Variants in TRIM24 observed in about 807,000 individuals in gnomAD.
TRIM24 encodes tripartite motif containing 24.
Under a neutral mutation model 123.9 loss-of-function variants are expected in TRIM24, and 29 were observed. The observed-to-expected ratio is 0.23, with a 90% CI of 0.17 to 0.32. TRIM24 has a LOEUF of 0.32. TRIM24 is among the 10% of genes least tolerant of loss of function. The pLI is 1.00. For missense variants in TRIM24, 932 were observed against 1,295.3 expected (o/e 0.72, Z 4.31); for synonymous variants, 456 against 461.1 (o/e 0.99, Z 0.14).
intron 7 of TRIM24, among the ~76,000 whole-genome samples, chr7:138,540,983 A>T (rs1222859426): frequency 1.3e-5 from 2 of 152,034 alleles, no homozygotes; most frequent in Non-Finnish European, 2.9e-5. Flanking sequence ...GACTGTAGGC[A>T]TGCGCCACCA....
intron 1 of TRIM24, among the ~76,000 whole-genome samples, chr7:138,476,466 G>T (rs373013204): frequency 6.6e-6 from 1 of 151,874 alleles, no homozygotes; most frequent in South Asian, 2.1e-4. Context: ...GGTGGCGTGC[G>T]CCTGTAATCC....
chr7:138,554,893 G>T lies in TRIM24; in HGVS notation c.1457G>T (p.Arg486Leu), dbSNP rs201288398. The T allele has an allele frequency of 1.1e-5, 17 of 1,613,978 alleles. No individual in the cohort carries two copies. The highest frequency in any genetic ancestry group is 1.3e-5 in the Non-Finnish European group (15 of 1,179,978). The change falls in exon 9 of 19, where the codon CGG (arginine) becomes CTG (leucine). Residue 486 changes from arginine to leucine, a missense_variant. This residue lies in a region of TRIM24 where 527 missense variants were observed against 691.3 expected (regional missense o/e 0.76). Coordinates refer to ENST00000343526, the MANE Select transcript of TRIM24 (RefSeq NM_015905.3). This position sits in a 1 kb window ranked among gnomAD's most constrained non-coding sequence, Gnocchi z 4.5. ...QVMAQRQQVQRRPAPVGLPNP... is the reference protein window; with the variant it reads ...QVMAQRQQVQLRPAPVGLPNP... ...ATGGCTCAGAGGCAACAGGTGCAAC[G>T]GAGGCCAGCACCTGTGGGTTTACCA...
chr7:138,518,081 A>T (rs1257395404), intron 3 of TRIM24, among the ~76,000 whole-genome samples: 2 of 152,220 alleles, frequency 1.3e-5, no homozygotes, highest in East Asian at 3.8e-4. Flanking sequence ...TCATATGTTT[A>T]TTTCAGCATT....
chr7:138,462,578 G>A (rs1795023634), intron 1 of TRIM24, among the ~76,000 whole-genome samples: 1 of 151,826 alleles, frequency 6.6e-6, no homozygotes, highest in Non-Finnish European at 1.5e-5. Context: ...CTGACCTCGT[G>A]ATCCGCCCGC....
rs868136666 is a variant in TRIM24 at position 138,585,543 on chromosome 7, A to G, written c.*592A>G. On this transcript the variant is annotated 3_prime_UTR_variant, in exon 19 of 19. Coordinates refer to ENST00000343526, the MANE Select transcript of TRIM24 (RefSeq NM_015905.3). ...CTATTAAGAAGGCACTTAATAGTAC[A>G]TCATGTAAGATGGCAACTGTATTAA... The G allele has an allele frequency of 4.6e-4, 162 of 355,852 alleles. No individual in the cohort carries two copies. Among genetic ancestry groups the G allele is most frequent in the Middle Eastern group, 8.9e-4 (1 of 1,128 alleles). The allele number at this position is 355,852 out of a possible 1,614,324, so 22.0% of individuals were successfully genotyped here. A position where few individuals can be genotyped will look rare whatever the true frequency, so the allele number is the denominator to read the frequency against.
At chr7:138,524,765 T>G (rs1796574469) in intron 4 of TRIM24, among the ~76,000 whole-genome samples, 1 of 152,142 alleles carries the variant, frequency 6.6e-6, no homozygotes, top group Non-Finnish European at 1.5e-5. Context: ...CTTAAAAGTT[T>G]TATTACAAGG....
Position 138,583,839 on chromosome 7 carries a change from T to G in TRIM24, c.2794-11T>G, listed in dbSNP as rs191242764. The stretch of plus-strand genomic sequence containing the variant: ...AGCTATTTGTATTATAACATCTCAT[T>G]TTTTTAATAGGTGCCTGATTATTAC... On this transcript the variant is annotated splice_polypyrimidine_tract_variant and intron_variant, in intron 17 of 18. Coordinates refer to ENST00000343526, the MANE Select transcript of TRIM24 (RefSeq NM_015905.3). 1.9e-5 allele frequency: 29 copies of G among 1,533,758 alleles called. No homozygotes were observed. The East Asian group carries it at 4.6e-4, about 24-fold the overall frequency.
At chr7:138,487,200 C>T (rs1042866188) in intron 1 of TRIM24, among the ~76,000 whole-genome samples, 2 of 152,206 alleles carry the variant, frequency 1.3e-5, no homozygotes, top group African/African-American at 4.8e-5. Context: ...TATCCTGAGA[C>T]TTTGCTGAAG....
Position 138,510,411 on chromosome 7 carries a change from G to T in TRIM24, c.484-4801G>T, listed in dbSNP as rs188729959. ...ATCATGTGTGTGTGTGGTTTTTTTT[G>T]TTTGTTTGTTTGTTTGTTTGTTTTT... On this transcript the variant is annotated intron_variant, in intron 2 of 18. Transcript: ENST00000343526. Among the ~76,000 whole-genome samples, 396 of 151,826 alleles carry T rather than the reference G, an allele frequency of 2.6e-3. 1 individual carries two copies. The highest frequency in any genetic ancestry group is 7.6e-3 in the African/African-American group (315 of 41,382).
intron 7 of TRIM24, among the ~76,000 whole-genome samples, chr7:138,549,705 A>T (rs1215126009): frequency 6.6e-6 from 1 of 152,178 alleles, no homozygotes; most frequent in Non-Finnish European, 1.5e-5. Flanking sequence ...GTAGTTGATG[A>T]TGGGAGAAAA....
At chr7:138,481,651 A>C (rs745622881) in intron 1 of TRIM24, among the ~76,000 whole-genome samples, 4 of 151,858 alleles carry the variant, frequency 2.6e-5, no homozygotes, top group Non-Finnish European at 2.9e-5. Flanking sequence ...CAAACAAACA[A>C]ACAAACAAAA....
chr7:138,570,955 T>G lies in TRIM24; in HGVS notation c.1830T>G (p.Asp610Glu). The change falls in exon 11 of 19, where the codon GAT becomes GAG. Residue 610 changes from aspartate (D) to glutamate (E), a missense_variant. Asp to Glu is a conservative substitution (Grantham distance 45). Coordinates refer to ENST00000343526, the MANE Select transcript of TRIM24 (RefSeq NM_015905.3). Reference protein sequence around the residue: ...DGKAFGSPMIDLSSPVGGSYN... With the variant: ...DGKAFGSPMIELSSPVGGSYN... ...AGGCTTTTGGTTCACCTATGATCGA[T>G]TTGAGCTCACCAGTGGGAGGGTCTT... The G allele has an allele frequency of 6.2e-7, 1 of 1,614,112 alleles. No individual in the cohort carries two copies. The highest frequency in any genetic ancestry group is 8.5e-7 in the Non-Finnish European group (1 of 1,179,984).
intron 13 of TRIM24, 110 bp from the exon 14 acceptor site, chr7:138,577,310 A>ATACT: frequency 1.2e-6 from 1 of 829,020 alleles, no homozygotes; most frequent in Non-Finnish European, 1.8e-6. Flanking sequence ...TGATGTTAAC[A>ATACT]TACTTATTGT....
chr7:138,579,785 TG>T, intron 15 of TRIM24, among the ~76,000 whole-genome samples: 1 of 152,258 alleles, frequency 6.6e-6, no homozygotes, highest in African/African-American at 2.4e-5. Context: ...TAGCCGGGTA[TG>T]GTAGTGCATG....
chr7:138,463,147 C>T (rs1462397973), intron 1 of TRIM24, among the ~76,000 whole-genome samples: 1 of 146,256 alleles, frequency 6.8e-6, no homozygotes, highest in African/African-American at 2.5e-5. Context: ...ACCTTGGCTT[C>T]CCAAAGTGCT....
chr7:138,487,897 T>C (rs532136204), intron 1 of TRIM24, among the ~76,000 whole-genome samples: 5 of 152,220 alleles, frequency 3.3e-5, no homozygotes, highest in Admixed American at 3.3e-4. Flanking sequence ...TTCTGTTGAT[T>C]GGAATAGTTT....
chr7:138,559,934 C>A (rs112682910), intron 9 of TRIM24, among the ~76,000 whole-genome samples: 5,522 of 152,186 alleles, frequency 0.036, 152 homozygotes, highest in Middle Eastern at 0.088. Context: ...CTGTACCCAG[C>A]CATGGATTCT....
intron 2 of TRIM24, among the ~76,000 whole-genome samples, 198 bp from the exon 3 acceptor site, chr7:138,515,008 ATATACT>A (rs1283144727): frequency 6.6e-6 from 1 of 152,196 alleles, no homozygotes; most frequent in Non-Finnish European, 1.5e-5. Context: ...TAAGGAGAAA[ATATACT>A]TATATTCTTG....
At chr7:138,557,137 G>T (rs998655149) in intron 9 of TRIM24, among the ~76,000 whole-genome samples, 9 of 152,162 alleles carry the variant, frequency 5.9e-5, no homozygotes, top group Non-Finnish European at 1.3e-4. Flanking sequence ...GCTCTGAGTG[G>T]GTGTTGGGAG....
Sources: allele counts gnomAD v4.1 joint callset (sites outside exome capture counted in the v4.1 genomes callset), GRCh38; gene constraint gnomAD v4.1.1; regional missense constraint gnomAD v4.1.1; non-coding constraint Gnocchi (gnomAD v3.1); transcripts MANE v1.5; gene names NCBI Gene and HGNC (gene_info 2026-07-23, HGNC 2026-07-21).